Variants in STAB2 observed in about 807,000 individuals in gnomAD.
STAB2 encodes stabilin 2, also known as stabilin-2.
Under a neutral mutation model 338.1 loss-of-function variants are expected in STAB2, and 288 were observed. The observed-to-expected ratio is 0.85, with a 90% confidence interval of 0.77 to 0.94. STAB2 has a LOEUF of 0.94. Among genes scored for constraint, STAB2 ranks in the 40% least tolerant of loss-of-function variants. The probability of loss-of-function intolerance (pLI) is 0.00; values close to 1 mark genes in which losing one functional copy is unlikely to be tolerated. For missense variants in STAB2, 3,141 were observed against 3,210.1 expected, an observed-to-expected ratio of 0.98 and a Z score of 0.52; for synonymous variants, 1,202 against 1,193.3, an observed-to-expected ratio of 1.01 and a Z score of -0.15.
intron 20 of STAB2, 63 bp from the exon 21 acceptor site, chr12:103,669,478 C>A: frequency 3.0e-6 from 4 of 1,352,140 alleles, no homozygotes; most frequent in South Asian, 1.2e-5. Flanking sequence ...TAAAATGCAT[C>A]CCCTTTGAGG....
chr12:103,595,348 G>GT (rs201978133), intron 3 of STAB2, among the ~76,000 whole-genome samples: 3,830 of 149,426 alleles, frequency 0.026, 68 homozygotes, highest in Middle Eastern at 0.05. Flanking sequence ...CTTTTGCTTT[G>GT]TTTTTTTTTC....
intron 3 of STAB2, among the ~76,000 whole-genome samples, chr12:103,616,664 G>A (rs1316585909): frequency 1.3e-5 from 2 of 152,234 alleles, no homozygotes; most frequent in African/African-American, 4.8e-5. Context: ...CACCCAGAGA[G>A]CTCCTTGTAC....
At chr12:103,709,960 C>G (rs928805841) in intron 39 of STAB2, among the ~76,000 whole-genome samples, 3 of 152,184 alleles carry the variant, frequency 2.0e-5, no homozygotes, top group African/African-American at 7.2e-5. Flanking sequence ...CCCTACTCAG[C>G]TTCCATACCT....
At chr12:103,621,497 C>T (rs1371735118) in intron 4 of STAB2, among the ~76,000 whole-genome samples, 3 of 152,060 alleles carry the variant, frequency 2.0e-5, no homozygotes, top group Non-Finnish European at 2.9e-5. Flanking sequence ...CTTTGGGAGG[C>T]CAAGGTGAGC....
chr12:103,669,454 A>G (rs1875513054), intron 20 of STAB2, 87 bp from the exon 21 acceptor site: 5 of 1,180,426 alleles, frequency 4.2e-6, no homozygotes, highest in Admixed American at 1.7e-5. Flanking sequence ...ATGGCTTAGT[A>G]TAATAATGGA....
chr12:103,597,756 C>T lies in STAB2; in HGVS notation c.331+3246C>T, dbSNP rs147219245. On this transcript the variant is annotated intron_variant, in intron 3 of 68. Transcript: ENST00000388887. ...GCCGATATTCTATTTGGGATGAAAT[C>T]GATTTTTTAATTTGAACATCTTACT... Among the ~76,000 whole-genome samples the T allele has an allele frequency of 2.2e-3, 338 of 152,040 alleles. 2 individuals are homozygous for T. Among genetic ancestry groups the T allele is most frequent in the African/African-American group, 7.6e-3 (314 of 41,496 alleles).
In STAB2 at chr12:103,749,136, A is replaced by C. The variant is rs1427916829; in HGVS notation, c.6418A>C (p.Thr2140Pro). Residue 2140 changes from threonine (T) to proline (P), a missense_variant, in exon 59 of 69, where the codon ACC becomes CCC. Thr to Pro is a conservative substitution (Grantham distance 38). Coordinates refer to ENST00000388887, the MANE Select transcript of STAB2 (RefSeq NM_017564.10). Reference sequence around the variant, plus strand: ...TAACGGAGGGTGTCACGAGCACGCCACCTGTAAGATGACAGGCCCGGTGAG... The same window carrying C: ...TAACGGAGGGTGTCACGAGCACGCCCCCTGTAAGATGACAGGCCCGGTGAG... ...GLNGGCHEHA[T>P]CKMTGPGKHK... 1 of 1,605,088 alleles carries C rather than the reference A, an allele frequency of 6.2e-7. No homozygotes were observed. The highest frequency in any genetic ancestry group is 1.7e-5 in the Admixed American group (1 of 59,658).
Position 103,758,290 on chromosome 12 carries a change from G to A in STAB2, c.7107+1G>A. 6.2e-7 allele frequency: 1 copy of A among 1,613,218 alleles called. No homozygotes were observed. Among genetic ancestry groups the A allele is most frequent in the South Asian group, 1.1e-5 (1 of 91,086 alleles). On this transcript the variant is annotated splice_donor_variant, in intron 64 of 68. Coordinates refer to ENST00000388887, the MANE Select transcript of STAB2 (RefSeq NM_017564.10). LOFTEE classifies it high-confidence loss of function. ...GAACAGTGGGCTGGGGGAGAATGAG[G>A]TGAGTTGAGTCCCTGGTGCCTTTGC...
At chr12:103,666,109 C>T (rs1875070733) in intron 18 of STAB2, among the ~76,000 whole-genome samples, 182 bp from the exon 19 acceptor site, 1 of 152,342 alleles carries the variant, frequency 6.6e-6, no homozygotes, top group South Asian at 2.1e-4. Context: ...CCACCCCCAG[C>T]GCTGACTTCA....
chr12:103,653,208 AT>A (rs1486849295), intron 12 of STAB2, among the ~76,000 whole-genome samples: 3 of 151,410 alleles, frequency 2.0e-5, no homozygotes, highest in African/African-American at 7.3e-5. Context: ...TCTTTCTGTG[AT>A]TTTATTGAGC....
intron 9 of STAB2, among the ~76,000 whole-genome samples, chr12:103,643,946 G>A (rs1267253534): frequency 4.7e-5 from 4 of 85,502 alleles, no homozygotes; most frequent in Admixed American, 1.1e-4. Flanking sequence ...CGCCCCGTCC[G>A]GGAGGTGAGG....
At chr12:103,758,082 G>A (rs900957991) in intron 63 of STAB2, 88 bp from the exon 64 acceptor site, 15 of 1,575,204 alleles carry the variant, frequency 9.5e-6, no homozygotes, top group African/African-American at 1.3e-5. Flanking sequence ...AATATTCACA[G>A]ATGGGTGATG....
chr12:103,713,851 T>G (rs1004874395), intron 42 of STAB2, 83 bp downstream of exon 42: 3 of 1,560,624 alleles, frequency 1.9e-6, no homozygotes, highest in Non-Finnish European at 2.6e-6. Context: ...GTGCCCTGAT[T>G]ATCAGGACAC....
intron 59 of STAB2, among the ~76,000 whole-genome samples, chr12:103,749,512 T>C (rs1194400488): frequency 1.3e-5 from 2 of 151,988 alleles, no homozygotes; most frequent in East Asian, 3.9e-4. Flanking sequence ...CTATCTAAAA[T>C]TATCCTAAAT....
chr12:103,660,416 C>G lies in STAB2; in HGVS notation c.1788+32C>G, dbSNP rs772364165. On this transcript the variant is annotated intron_variant, in intron 16 of 68. Coordinates refer to ENST00000388887, the MANE Select transcript of STAB2 (RefSeq NM_017564.10). ...CCCACTTTTCCTGCTGCTACTTTCT[C>G]TCTGCTTCCAAGATAGCTAACTTAG... 54 of 1,611,740 alleles carry G rather than the reference C, an allele frequency of 3.4e-5. No homozygotes were observed. In the South Asian group the frequency reaches 5.9e-4, roughly 18 times the overall value.
Position 103,762,428 on chromosome 12 carries a change from T to C in STAB2, c.7488+26T>C, listed in dbSNP as rs573029406. The C allele has an allele frequency of 1.3e-5, 21 of 1,614,128 alleles. No individual in the cohort carries two copies. The South Asian group carries it at 2.0e-4, about 15-fold the overall frequency. On this transcript the variant is annotated intron_variant, in intron 67 of 68. Coordinates refer to ENST00000388887, the MANE Select transcript of STAB2 (RefSeq NM_017564.10). Reference sequence around the variant, plus strand: ...GTAAGAGAGAAAAATGGGAACATGATGATGGGGTCCTCTCCAAAAACCCAG... The same window carrying C: ...GTAAGAGAGAAAAATGGGAACATGACGATGGGGTCCTCTCCAAAAACCCAG...
At chr12:103,650,445 A>G (rs1341752114) in intron 10 of STAB2, 51 bp from the exon 11 acceptor site, 7 of 1,539,440 alleles carry the variant, frequency 4.5e-6, no homozygotes, top group Non-Finnish European at 5.4e-6. Flanking sequence ...CTCCTCCTGT[A>G]CCACTGACTC....
chr12:103,730,103 T>G lies in STAB2; in HGVS notation c.5083-13T>G, dbSNP rs867555675. The G allele has an allele frequency of 6.4e-7, 1 of 1,562,586 alleles. No homozygotes were observed. Among genetic ancestry groups the G allele is most frequent in the East Asian group, 2.3e-5 (1 of 43,196 alleles). ...TTTGCACTCATTTCTTTTTTGTTTT[T>G]GGTTGATTTCAGAGCACGGTGTATA... On this transcript the variant is annotated splice_polypyrimidine_tract_variant and intron_variant, in intron 48 of 68. Transcript: ENST00000388887.
chr12:103,677,387 T>G, intron 24 of STAB2, 66 bp from the exon 25 acceptor site: 1 of 1,528,678 alleles, frequency 6.5e-7, no homozygotes, highest in Non-Finnish European at 8.8e-7. Flanking sequence ...AAATTCTCTC[T>G]TATTTTTGGA....
Sources: allele counts gnomAD v4.1 joint callset (sites outside exome capture counted in the v4.1 genomes callset), GRCh38; gene constraint gnomAD v4.1.1; transcripts MANE v1.5; gene names NCBI Gene and HGNC (gene_info 2026-07-23, HGNC 2026-07-21).